Variants in ZFP64 observed in about 807,000 individuals in gnomAD.
The protein encoded by ZFP64 is ZFP64 zinc finger protein, also known as zinc finger protein 64.
ZFP64 carries 14 observed loss-of-function variants against 51.6 expected under a neutral mutation model. That is an observed-to-expected ratio of 0.27 (90% confidence interval 0.18 to 0.42). ZFP64 has a LOEUF of 0.42. Among genes scored for constraint, ZFP64 ranks in the 10% least tolerant of loss-of-function variants. ZFP64 has a pLI of 1.00. For missense variants in ZFP64, 754 were observed against 906.8 expected (o/e 0.83, Z 2.16); for synonymous variants, 375 against 361.4 (o/e 1.04, Z -0.43).
At chr20:52,099,911 CA>C (rs1391566447) in intron 5 of ZFP64, among the ~76,000 whole-genome samples, 18 of 152,186 alleles carry the variant, frequency 1.2e-4, no homozygotes, top group African/African-American at 4.3e-4. Flanking sequence ...AAGATTCCTA[CA>C]GCAAAGATTA....
At chr20:52,132,574 G>A (rs1036334107) in intron 5 of ZFP64, among the ~76,000 whole-genome samples, 1 of 152,128 alleles carries the variant, frequency 6.6e-6, no homozygotes, top group African/African-American at 2.4e-5. Context: ...TGGCTACTAT[G>A]AGCAACTGCA....
At chr20:52,157,944 T>A (rs1286186877) in intron 5 of ZFP64, among the ~76,000 whole-genome samples, 3 of 152,194 alleles carry the variant, frequency 2.0e-5, no homozygotes, top group Non-Finnish European at 4.4e-5. Flanking sequence ...CCTGTGTTAG[T>A]TTGCTAAGAA....
chr20:52,105,353 G>A (rs1308104650), intron 5 of ZFP64: 2 of 1,243,760 alleles, frequency 1.6e-6, no homozygotes, highest in South Asian at 3.8e-5. Flanking sequence ...CGGCAATTCT[G>A]CTCATCAGCC....
chr20:52,188,948 C>T (rs557763249), intron 1 of ZFP64, among the ~76,000 whole-genome samples: 2 of 151,758 alleles, frequency 1.3e-5, no homozygotes, highest in Admixed American at 1.3e-4. Flanking sequence ...TGCACTCCAG[C>T]CTGGGCGACA....
chr20:52,085,549 G>A lies in ZFP64; in HGVS notation c.1229-283C>T, dbSNP rs533903837. ...CAGGGATTTGGAACCCAGGCACTAT[G>A]GCACTCAAGTCCATACTCTTGATGA... On this transcript the variant is annotated intron_variant, in intron 8 of 8. Coordinates refer to the ZFP64 transcript ENST00000361387. The surrounding 1 kb of genome is among the most constrained non-coding windows in gnomAD (Gnocchi z 4.3). 1.3e-5 allele frequency among the ~76,000 whole-genome samples: 2 copies of A among 152,290 alleles called. No individual in the cohort carries two copies. Among genetic ancestry groups the A allele is most frequent in the Admixed American group, 6.5e-5 (1 of 15,292 alleles).
chr20:52,133,887 G>A (rs1979841996), intron 5 of ZFP64, among the ~76,000 whole-genome samples: 1 of 151,808 alleles, frequency 6.6e-6, no homozygotes, highest in Non-Finnish European at 1.5e-5. Flanking sequence ...AAATTAGCTG[G>A]GCATGGTGGT....
At position 52,098,422 on chromosome 20, in the gene ZFP64, A is replaced by G. The variant is rs755509010; in HGVS notation, c.913+16T>C. ...TTGGCTCAGAAGCGGCTCAGCACGC[A>G]GGGTTTTACTCTTACCTGGGTAGCA... On this transcript the variant is annotated intron_variant, in intron 6 of 8. Transcript: ENST00000361387. 7 of 1,613,138 alleles carry G rather than the reference A, an allele frequency of 4.3e-6. No individual in the cohort carries two copies. In the Admixed American group the frequency reaches 1.0e-4, roughly 23 times the overall value.
chr20:52,139,634 AC>A (rs1980155375), intron 5 of ZFP64, among the ~76,000 whole-genome samples: 1 of 152,106 alleles, frequency 6.6e-6, no homozygotes, highest in Non-Finnish European at 1.5e-5. Flanking sequence ...CTGCACATGT[AC>A]CCCCTAAACC....
At chr20:52,111,178 CGCCCCAAGTCA>C in intron 5 of ZFP64, 1 of 617,776 alleles carries the variant, frequency 1.6e-6, no homozygotes. Flanking sequence ...TAGTGGAGAA[CGCCCCAAGTCA>C]GCGGTCAATT....
chr20:52,152,095 A>C lies in ZFP64; in HGVS notation c.*51T>G, dbSNP rs1406020744. 1 of 1,568,022 alleles carries C rather than the reference A, an allele frequency of 6.4e-7. No individual in the cohort carries two copies. Among genetic ancestry groups the C allele is most frequent in the South Asian group, 1.2e-5 (1 of 84,114 alleles). On this transcript the variant is annotated 3_prime_UTR_variant, in exon 6 of 6. Transcript: ENST00000216923. ...CAAACCTTTTAGAGAATTCTACTTA[A>C]GATTTCTTTTTCTCAATTCCTTTCC...
chr20:52,113,834 GAA>G (rs1978730615), intron 5 of ZFP64, among the ~76,000 whole-genome samples: 1 of 152,162 alleles, frequency 6.6e-6, no homozygotes, highest in African/African-American at 2.4e-5. Flanking sequence ...GGGATTCAGA[GAA>G]GTAACCAGAA....
At chr20:52,175,585 CT>C in intron 2 of ZFP64, among the ~76,000 whole-genome samples, 1 of 152,232 alleles carries the variant, frequency 6.6e-6, no homozygotes, top group East Asian at 1.9e-4. Context: ...CGGCTCACGC[CT>C]GTAATCCCAG....
At chr20:52,128,241 C>A (rs980223925) in intron 5 of ZFP64, among the ~76,000 whole-genome samples, 1 of 152,130 alleles carries the variant, frequency 6.6e-6, no homozygotes, top group African/African-American at 2.4e-5. Context: ...GAGTTTGAGA[C>A]CAGCCTGGGC....
intron 5 of ZFP64, among the ~76,000 whole-genome samples, chr20:52,129,707 C>G (rs1425165530): frequency 2.0e-5 from 3 of 152,148 alleles, no homozygotes; most frequent in Non-Finnish European, 4.4e-5. Flanking sequence ...TTCCCAGATG[C>G]TCCTCATGGT....
In ZFP64 at chr20:52,191,427, C is replaced by T. The variant is rs1984359946; in HGVS notation, c.46+164G>A. ...CCCCACCCCAAGCCCACTCCGGCGC[C>T]CCCTGCACAGCGCGCCCGCCGCGGT... On this transcript the variant is annotated intron_variant, in intron 1 of 5. Coordinates refer to ENST00000216923, the MANE Select transcript of ZFP64 (RefSeq NM_018197.3). The surrounding 1 kb of genome is among the most constrained non-coding windows in gnomAD (Gnocchi z 4.3). Among the ~76,000 whole-genome samples, 1 of 152,088 alleles carries T rather than the reference C, an allele frequency of 6.6e-6. No individual in the cohort carries two copies. Among genetic ancestry groups the T allele is most frequent in the Non-Finnish European group, 1.5e-5 (1 of 67,994 alleles).
At chr20:52,108,763 C>A (rs1010602200) in intron 5 of ZFP64, among the ~76,000 whole-genome samples, 1 of 151,882 alleles carries the variant, frequency 6.6e-6, no homozygotes, top group Non-Finnish European at 1.5e-5. Context: ...CCTGCCTCAG[C>A]CTTCCAAAGT....
At position 52,160,206 on chromosome 20, in the gene ZFP64, T is replaced by C; in HGVS notation, c.680A>G (p.Asp227Gly). The change falls in exon 5 of 6, where the codon GAC (aspartate) becomes GGC (glycine). Residue 227 changes from aspartate to glycine, a missense_variant. By Grantham distance (94) the Asp-to-Gly change is moderately conservative (BLOSUM62 -1). Around this residue, in one of 3 missense-constraint regions of ZFP64, gnomAD observed 231 missense variants for 336.7 expected, o/e 0.69. Transcript: ENST00000216923. The surrounding 1 kb of genome is among the most constrained non-coding windows in gnomAD (Gnocchi z 4.2). The part of the protein sequence containing the change: ...SLNKHLRIHS[D>G]ERPFKCQICP... ...GATCTGGCATTTGAAGGGCCGCTCGTCCGAGTGGATCCTCAGGTGCTTGTT... is the reference window on the plus strand; with the variant it reads ...GATCTGGCATTTGAAGGGCCGCTCGCCCGAGTGGATCCTCAGGTGCTTGTT... 6.2e-7 allele frequency: 1 copy of C among 1,614,154 alleles called. No individual in the cohort carries two copies. Among genetic ancestry groups the C allele is most frequent in the Non-Finnish European group, 8.5e-7 (1 of 1,180,030 alleles).
intron 7 of ZFP64, among the ~76,000 whole-genome samples, chr20:52,093,419 C>T (rs990506205): frequency 4.6e-5 from 7 of 152,206 alleles, no homozygotes; most frequent in Non-Finnish European, 7.3e-5. Flanking sequence ...GGATTACAGG[C>T]GTGAGCCACT....
chr20:52,109,793 A>AG (rs1343777701), intron 5 of ZFP64, among the ~76,000 whole-genome samples: 1 of 151,584 alleles, frequency 6.6e-6, no homozygotes, highest in African/African-American at 2.4e-5. Flanking sequence ...AAAAAAAAAA[A>AG]AAAAAAAAAG....
Sources: allele counts gnomAD v4.1 joint callset (sites outside exome capture counted in the v4.1 genomes callset), GRCh38; gene constraint gnomAD v4.1.1; regional missense constraint gnomAD v4.1.1; non-coding constraint Gnocchi (gnomAD v3.1); transcripts MANE v1.5; gene names NCBI Gene and HGNC (gene_info 2026-07-23, HGNC 2026-07-21).